KLF12: variants seen among roughly 807,000 people sequenced by gnomAD.
KLF12 encodes the protein KLF transcription factor 12, also known as Krueppel-like factor 12.
Under a neutral mutation model 37.8 loss-of-function variants are expected in KLF12, and 9 were observed. That is an observed-to-expected ratio of 0.24 (90% CI 0.14 to 0.42). The LOEUF is 0.42. Ranked by LOEUF, KLF12 falls within the 10% of genes least tolerant of loss-of-function variation. The probability of loss-of-function intolerance (pLI) is 1.00; values close to 1 mark genes in which losing one functional copy is unlikely to be tolerated. For missense variants in KLF12, 411 were observed against 516.0 expected (o/e 0.80, Z 1.97); for synonymous variants, 208 against 202.1 (o/e 1.03, Z -0.25).
chr13:73,972,969 AT>A (rs1891390795), intron 2 of KLF12, among the ~76,000 whole-genome samples: 1 of 152,102 alleles, frequency 6.6e-6, no homozygotes, highest in Non-Finnish European at 1.5e-5. Flanking sequence ...AACACCAAGA[AT>A]GACAGAAATC....
chr13:74,034,778 C>T (rs1347919268), intron 1 of KLF12, among the ~76,000 whole-genome samples: 1 of 152,222 alleles, frequency 6.6e-6, no homozygotes, highest in Non-Finnish European at 1.5e-5. Context: ...AAGCATAATG[C>T]CTAGGCAAAC....
the KLF12 span, among the ~76,000 whole-genome samples, chr13:74,197,309 A>G: frequency 2.0e-5 from 3 of 152,282 alleles, no homozygotes; most frequent in South Asian, 6.2e-4. Context: ...GCAAGTTTTA[A>G]AATTCAAGGA....
intron 5 of KLF12, among the ~76,000 whole-genome samples, chr13:73,770,878 C>T (rs1880226028): frequency 6.6e-6 from 1 of 152,028 alleles, no homozygotes. Context: ...ATGTCATAGA[C>T]ACTGAAAGAG....
At chr13:74,223,731 T>C in the KLF12 span, among the ~76,000 whole-genome samples, 1 of 152,174 alleles carries the variant, frequency 6.6e-6, no homozygotes. Flanking sequence ...ATATCAGTAA[T>C]TTTCCCCCTT....
the KLF12 span, among the ~76,000 whole-genome samples, chr13:74,166,357 G>T: frequency 8.5e-4 from 130 of 152,192 alleles, no homozygotes; most frequent in African/African-American, 3.0e-3. Context: ...ATTCCAAAGT[G>T]CTGGGATTAT....
At chr13:74,149,147 TC>T in the KLF12 span, among the ~76,000 whole-genome samples, 1 of 152,130 alleles carries the variant, frequency 6.6e-6, no homozygotes, top group African/African-American at 2.4e-5. Context: ...CTCAGCCCAC[TC>T]CCTTAGTGAT....
chr13:74,244,270 TTTTATTTATAAACTACA>T, the KLF12 span, among the ~76,000 whole-genome samples: 1 of 152,232 alleles, frequency 6.6e-6, no homozygotes, highest in Non-Finnish European at 1.5e-5. Flanking sequence ...TAGCTTAGTC[TTTTATTTATAAACTACA>T]GATGATCCTG....
chr13:73,880,639 T>G (rs77847430), intron 3 of KLF12, among the ~76,000 whole-genome samples: 2,751 of 152,258 alleles, frequency 0.018, 102 homozygotes, highest in Admixed American at 0.088. Context: ...AACAAACATG[T>G]GGTAAAACTG....
intron 1 of KLF12, among the ~76,000 whole-genome samples, chr13:74,012,540 C>T (rs1219130485): frequency 6.6e-6 from 1 of 152,278 alleles, no homozygotes; most frequent in Non-Finnish European, 1.5e-5. Flanking sequence ...AAAATGAGCA[C>T]AACTAAGTAT....
At chr13:74,195,600 G>T in the KLF12 span, among the ~76,000 whole-genome samples, 1 of 152,072 alleles carries the variant, frequency 6.6e-6, no homozygotes, top group Non-Finnish European at 1.5e-5. Flanking sequence ...AAGGTTTTTT[G>T]TTTGTTTGTT....
At chr13:73,845,181 G>T (rs1434524546) in intron 4 of KLF12, 1 of 152,116 alleles carries the variant, frequency 6.6e-6, no homozygotes, top group African/African-American at 2.4e-5. Flanking sequence ...TATTAATATT[G>T]CATCTTGAAA....
At chr13:73,717,539 C>A (rs781729303) in intron 6 of KLF12, among the ~76,000 whole-genome samples, 3 of 152,202 alleles carry the variant, frequency 2.0e-5, no homozygotes, top group Non-Finnish European at 4.4e-5. Context: ...TACCTTCTCC[C>A]TTTTACTAAT....
At chr13:74,170,025 T>C in the KLF12 span, among the ~76,000 whole-genome samples, 1 of 152,220 alleles carries the variant, frequency 6.6e-6, no homozygotes, top group African/African-American at 2.4e-5. Context: ...TCCACTGCTA[T>C]AGTCCTTTGC....
the KLF12 span, among the ~76,000 whole-genome samples, chr13:74,139,683 CTG>C: frequency 1.3e-5 from 2 of 151,782 alleles, no homozygotes; most frequent in African/African-American, 4.8e-5. Context: ...TAGCATTCTA[CTG>C]TGTTAGATTA....
the KLF12 span, among the ~76,000 whole-genome samples, chr13:74,304,472 A>T: frequency 1.3e-5 from 2 of 152,168 alleles, no homozygotes; most frequent in African/African-American, 4.8e-5. Flanking sequence ...CAATTACAGC[A>T]CCAAAGCAAT....
chr13:73,886,119 C>A (rs995557291), intron 3 of KLF12, among the ~76,000 whole-genome samples: 5 of 152,082 alleles, frequency 3.3e-5, no homozygotes, highest in Non-Finnish European at 7.4e-5. Context: ...CAAGAAGGGA[C>A]AAAGGTCACC....
chr13:74,083,152 T>C (rs958399863), intron 1 of KLF12, among the ~76,000 whole-genome samples: 3 of 152,190 alleles, frequency 2.0e-5, no homozygotes, highest in African/African-American at 7.2e-5. Context: ...CTCTAGATCA[T>C]CCATTATTAT....
At chr13:73,760,831 G>T (rs752513764) in intron 6 of KLF12, among the ~76,000 whole-genome samples, 3 of 152,156 alleles carry the variant, frequency 2.0e-5, no homozygotes, top group Non-Finnish European at 4.4e-5. Flanking sequence ...GATAGAGCAA[G>T]AAGTGGAGAG....
intron 1 of KLF12, among the ~76,000 whole-genome samples, chr13:73,999,091 T>C (rs966506053): frequency 6.6e-6 from 1 of 152,210 alleles, no homozygotes; most frequent in Non-Finnish European, 1.5e-5. Context: ...ATCATGGCTA[T>C]AGGAAAAGAG....
Sources: gnomAD v4.1 joint callset for allele counts (sites outside exome capture counted in the v4.1 genomes callset) on GRCh38, gnomAD v4.1.1 for gene constraint, MANE v1.5 for transcripts, NCBI Gene and HGNC (gene_info 2026-07-23, HGNC 2026-07-21) for gene names.